Variants in HECW2 observed in about 807,000 individuals in gnomAD.
HECW2 encodes E3 ubiquitin-protein ligase HECW2.
A neutral mutation model predicts 175.2 loss-of-function variants in HECW2; 61 were observed. That is an observed-to-expected ratio of 0.35 (90% CI 0.28 to 0.43). The LOEUF is 0.43. HECW2 is among the 20% of genes least tolerant of loss of function. The probability of loss-of-function intolerance (pLI) is 1.00; values close to 1 mark genes in which losing one functional copy is unlikely to be tolerated. For synonymous variants in HECW2, 671 were observed against 731.0 expected (o/e 0.92, Z 1.32); for missense variants, 1,524 against 2,000.5 (o/e 0.76, Z 4.54).
At chr2:196,379,500 A>G (rs546106202) in intron 2 of HECW2, among the ~76,000 whole-genome samples, 13 of 152,176 alleles carry the variant, frequency 8.5e-5, no homozygotes, top group Admixed American at 3.3e-4. Flanking sequence ...CCTGGCTAAC[A>G]TGGTGAAACC....
chr2:196,278,354 G>C (rs1489758129), intron 15 of HECW2, among the ~76,000 whole-genome samples, 174 bp downstream of exon 15: 6 of 146,926 alleles, frequency 4.1e-5, no homozygotes, highest in Non-Finnish European at 7.5e-5. Context: ...GATTTAGGCT[G>C]TATGTATTTC....
chr2:196,438,633 G>T (rs1695950464), intron 1 of HECW2, among the ~76,000 whole-genome samples: 1 of 152,212 alleles, frequency 6.6e-6, no homozygotes, highest in Non-Finnish European at 1.5e-5. Flanking sequence ...CATTGAACTA[G>T]CTGACAATAA....
intron 1 of HECW2, among the ~76,000 whole-genome samples, chr2:196,550,942 T>C (rs957104052): frequency 6.6e-6 from 1 of 152,160 alleles, no homozygotes; most frequent in Non-Finnish European, 1.5e-5. Context: ...AAAATTAATA[T>C]AAAAAAGAAT....
intron 1 of HECW2, among the ~76,000 whole-genome samples, chr2:196,469,831 G>C (rs1697123155): frequency 6.6e-6 from 1 of 151,864 alleles, no homozygotes; most frequent in African/African-American, 2.4e-5. Context: ...GTTACCTCTG[G>C]GGCGGGGGAC....
chr2:196,529,274 G>C (rs1372199001), intron 1 of HECW2, among the ~76,000 whole-genome samples: 1 of 152,118 alleles, frequency 6.6e-6, no homozygotes, highest in Non-Finnish European at 1.5e-5. Flanking sequence ...TATTTCAGGA[G>C]GAAAAACATG....
chr2:196,359,951 A>G (rs1693526782), intron 2 of HECW2, among the ~76,000 whole-genome samples: 2 of 152,146 alleles, frequency 1.3e-5, no homozygotes, highest in Admixed American at 6.5e-5. Context: ...ATAATTTTTT[A>G]CAATTAGCTG....
intron 19 of HECW2, among the ~76,000 whole-genome samples, chr2:196,246,179 T>C (rs957941305): frequency 1.3e-5 from 2 of 152,104 alleles, no homozygotes; most frequent in Admixed American, 1.3e-4. Context: ...CTCTCCTAGA[T>C]GAATGAGGGA....
intron 1 of HECW2, among the ~76,000 whole-genome samples, chr2:196,591,577 G>T (rs1691193422): frequency 6.6e-6 from 1 of 152,182 alleles, no homozygotes; most frequent in Non-Finnish European, 1.5e-5. Flanking sequence ...TGGTTAGACT[G>T]CTGGATAGTA....
Position 196,325,008 on chromosome 2 carries a change from T to C in HECW2, c.713A>G (p.Asn238Ser). 6.3e-7 allele frequency: 1 copy of C among 1,591,588 alleles called. No individual in the cohort carries two copies. The change falls in exon 6 of 29, where the codon AAC becomes AGC. Residue 238 changes from asparagine (N) to serine (S), a missense_variant. Around this residue, in one of 11 missense-constraint regions of HECW2, gnomAD observed 95 missense variants for 136.8 expected, o/e 0.69. Transcript: ENST00000644978. ...GQERRSTIISNTTNPIWHREK... is the reference protein window; with the variant it reads ...GQERRSTIISSTTNPIWHREK... The stretch of plus-strand genomic sequence containing the variant: ...TCGGTGCCAAATTGGATTGGTGGTG[T>C]TACTGATGATAGTAGACCGTCTCTC...
intron 1 of HECW2, among the ~76,000 whole-genome samples, chr2:196,464,257 AC>A (rs1317732269): frequency 6.6e-6 from 1 of 152,150 alleles, no homozygotes; most frequent in African/African-American, 2.4e-5. Context: ...CTTTAAACAT[AC>A]CCCAGAATTC....
At chr2:196,389,446 A>G (rs1694443700) in intron 2 of HECW2, among the ~76,000 whole-genome samples, 1 of 152,172 alleles carries the variant, frequency 6.6e-6, no homozygotes, top group African/African-American at 2.4e-5. Context: ...TAGAAGTTCA[A>G]AACATGCATT....
chr2:196,502,003 A>C (rs1687592535), intron 1 of HECW2, among the ~76,000 whole-genome samples: 1 of 152,212 alleles, frequency 6.6e-6, no homozygotes, highest in African/African-American at 2.4e-5. Context: ...CTTAGATTAC[A>C]ATCACTCAAG....
At chr2:196,279,207 C>T (rs139650371) in intron 14 of HECW2, among the ~76,000 whole-genome samples, 2,937 of 152,060 alleles carry the variant, frequency 0.019, 49 homozygotes, top group Middle Eastern at 0.031. Flanking sequence ...CACCACCACG[C>T]CCGGCTAATT....
chr2:196,347,817 T>C (rs1207560883), intron 2 of HECW2, among the ~76,000 whole-genome samples: 1 of 152,264 alleles, frequency 6.6e-6, no homozygotes, highest in African/African-American at 2.4e-5. Flanking sequence ...AATATTCTGG[T>C]TATTCTAGAT....
chr2:196,212,609 A>G (rs1196808565), intron 28 of HECW2, among the ~76,000 whole-genome samples: 1 of 152,138 alleles, frequency 6.6e-6, no homozygotes, highest in Non-Finnish European at 1.5e-5. Flanking sequence ...ATGGGCATTT[A>G]GGTTGATTCT....
intron 1 of HECW2, among the ~76,000 whole-genome samples, chr2:196,487,917 T>A (rs1175825023): frequency 1.3e-5 from 2 of 152,236 alleles, no homozygotes; most frequent in Non-Finnish European, 2.9e-5. Context: ...TTTCTATTTT[T>A]AAATTTGCTG....
rs1691272811 is a variant in HECW2 at position 196,306,581 on chromosome 2, A to G, written c.2721T>C (p.Ser907=). 1.9e-6 allele frequency: 3 copies of G among 1,613,256 alleles called. No homozygotes were observed. Among genetic ancestry groups the G allele is most frequent in the East Asian group, 4.5e-5 (2 of 44,810 alleles). The change falls in exon 13 of 29, where the codon TCT becomes TCC. Residue 907 remains serine, a synonymous_variant. Transcript: ENST00000644978. ...DFRRENILPH[S]TSRSRITLLL... ...GCAACGTGATCCTGGATCTGGAGGT[A>G]GAGTGAGGCAGGATGTTCTCCCGTC...
intron 1 of HECW2, among the ~76,000 whole-genome samples, chr2:196,525,371 C>T (rs1423198494): frequency 1.5e-5 from 2 of 134,966 alleles, no homozygotes; most frequent in African/African-American, 2.9e-5. Context: ...CTATGTGTGT[C>T]TCTGCACGTG....
intron 2 of HECW2, among the ~76,000 whole-genome samples, chr2:196,413,453 C>A (rs1695170264): frequency 6.6e-6 from 1 of 152,004 alleles, no homozygotes; most frequent in African/African-American, 2.4e-5. Flanking sequence ...TCAAGCAATT[C>A]TCCCGCCTCA....
Sources: gnomAD v4.1 joint callset for allele counts (sites outside exome capture counted in the v4.1 genomes callset) on GRCh38, gnomAD v4.1.1 for gene constraint, gnomAD v4.1.1 regional missense constraint, MANE v1.5 for transcripts, NCBI Gene and HGNC (gene_info 2026-07-23, HGNC 2026-07-21) for gene names.